The following VSNL1 variants were observed in gnomAD, a reference collection of about 807,000 sequenced individuals.
VSNL1 encodes visinin like 1, also known as visinin-like protein 1.
Under a neutral mutation model 20.4 loss-of-function variants are expected in VSNL1, and 6 were observed. The ratio of observed to expected loss-of-function variants is 0.29; its 90% confidence interval spans 0.16 to 0.58. VSNL1 has a LOEUF of 0.58. VSNL1 is among the 20% of genes least tolerant of loss of function. The pLI, the probability that VSNL1 is intolerant of heterozygous loss-of-function variation, is 0.90. For missense variants in VSNL1, 100 were observed against 234.5 expected (o/e 0.43, Z 3.75); for synonymous variants, 93 against 86.4 (o/e 1.08, Z -0.42).
At chr2:17,650,156 C>T (rs543626624) in intron 3 of VSNL1, among the ~76,000 whole-genome samples, 1 of 152,234 alleles carries the variant, frequency 6.6e-6, no homozygotes, top group East Asian at 1.9e-4. Flanking sequence ...CACTTCAGGG[C>T]CTTCCACTTC....
At chr2:17,629,314 A>G (rs1196957139) in intron 2 of VSNL1, among the ~76,000 whole-genome samples, 2 of 152,222 alleles carry the variant, frequency 1.3e-5, no homozygotes, top group African/African-American at 2.4e-5. Context: ...ACGTAGGGCA[A>G]CACTAGCCAC....
rs191656783 is a variant in VSNL1, at chr2:17,595,851, A to G, written c.162+3615A>G. Reference sequence around the variant, plus strand: ...ATTTATTGGTAATCCTATAAAGTGCATTCTTTAAAATTTGTATTTACTTTA... The same window carrying G: ...ATTTATTGGTAATCCTATAAAGTGCGTTCTTTAAAATTTGTATTTACTTTA... On this transcript the variant is annotated intron_variant, in intron 2 of 3. Coordinates refer to ENST00000295156, the MANE Select transcript of VSNL1 (RefSeq NM_003385.5). Among the ~76,000 whole-genome samples the G allele has an allele frequency of 5.1e-4, 77 of 152,336 alleles. 1 individual carries two copies. The highest frequency in any genetic ancestry group is 1.7e-3 in the African/African-American group (72 of 41,578).
chr2:17,562,938 A>G (rs970571955), intron 1 of VSNL1, among the ~76,000 whole-genome samples: 2 of 152,118 alleles, frequency 1.3e-5, no homozygotes, highest in Non-Finnish European at 2.9e-5. Flanking sequence ...CAACCCTACT[A>G]GTCTTATCAC....
chr2:17,589,001 A>C (rs1466606629), intron 1 of VSNL1, among the ~76,000 whole-genome samples: 1 of 152,212 alleles, frequency 6.6e-6, no homozygotes, highest in African/African-American at 2.4e-5. Flanking sequence ...AATCCAGTAG[A>C]GAAATACATA....
chr2:17,626,897 C>T (rs1665521417), intron 2 of VSNL1, among the ~76,000 whole-genome samples: 1 of 152,224 alleles, frequency 6.6e-6, no homozygotes, highest in African/African-American at 2.4e-5. Flanking sequence ...TCCAGCCTGG[C>T]CTGACCATGG....
At chr2:17,614,452 C>T (rs1268397720) in intron 2 of VSNL1, among the ~76,000 whole-genome samples, 1 of 152,246 alleles carries the variant, frequency 6.6e-6, no homozygotes, top group Non-Finnish European at 1.5e-5. Flanking sequence ...TTGGAGCCGA[C>T]TCCGCCTTTG....
intron 2 of VSNL1, among the ~76,000 whole-genome samples, chr2:17,611,525 A>G (rs1665086942): frequency 1.3e-5 from 2 of 152,238 alleles, no homozygotes; most frequent in South Asian, 2.1e-4. Context: ...GCACTCACAT[A>G]TGACTGCTGT....
intron 2 of VSNL1, among the ~76,000 whole-genome samples, chr2:17,610,330 C>T (rs544350909): frequency 1.3e-5 from 2 of 152,192 alleles, no homozygotes; most frequent in South Asian, 4.2e-4. Flanking sequence ...GGGAGTCCAC[C>T]AAGTGGACTG....
intron 2 of VSNL1, among the ~76,000 whole-genome samples, chr2:17,647,320 C>A (rs1408542576): frequency 2.6e-5 from 4 of 152,120 alleles, no homozygotes; most frequent in African/African-American, 9.7e-5. Context: ...GCCAACTGCA[C>A]ATAGAAATGC....
At chr2:17,620,220 C>T (rs1413193528) in intron 2 of VSNL1, among the ~76,000 whole-genome samples, 3 of 152,146 alleles carry the variant, frequency 2.0e-5, no homozygotes, top group South Asian at 2.1e-4. Context: ...TATGAACGGG[C>T]AAAACCCTGG....
At chr2:17,594,410 G>T (rs900848259) in intron 2 of VSNL1, among the ~76,000 whole-genome samples, 2 of 152,076 alleles carry the variant, frequency 1.3e-5, no homozygotes, top group Admixed American at 1.3e-4. Flanking sequence ...AATATGCCAC[G>T]TACACAGAAA....
intron 2 of VSNL1, among the ~76,000 whole-genome samples, chr2:17,599,133 G>A (rs1664773938): frequency 6.6e-6 from 1 of 152,106 alleles, no homozygotes; most frequent in African/African-American, 2.4e-5. Context: ...ACTATGGTCT[G>A]GTGCCATCCA....
intron 1 of VSNL1, among the ~76,000 whole-genome samples, chr2:17,571,637 A>G (rs933228473): frequency 1.9e-4 from 29 of 152,262 alleles, no homozygotes; most frequent in African/African-American, 7.0e-4. Flanking sequence ...CTAGGTACAA[A>G]GAGTGCTAAC....
At chr2:17,639,898 A>T (rs1158350085) in intron 2 of VSNL1, among the ~76,000 whole-genome samples, 1 of 152,144 alleles carries the variant, frequency 6.6e-6, no homozygotes, top group Non-Finnish European at 1.5e-5. Flanking sequence ...TCCCCATTAA[A>T]TCCCAAAGGT....
intron 2 of VSNL1, among the ~76,000 whole-genome samples, chr2:17,598,346 T>A (rs755036207): frequency 6.6e-6 from 1 of 152,242 alleles, no homozygotes; most frequent in African/African-American, 2.4e-5. Context: ...GCCTTTGTTT[T>A]TCTGGTTCTA....
At chr2:17,561,923 C>T (rs1349685223) in intron 1 of VSNL1, among the ~76,000 whole-genome samples, 1 of 152,098 alleles carries the variant, frequency 6.6e-6, no homozygotes. Context: ...AAAAATGACA[C>T]TCCCTTTACA....
chr2:17,613,413 T>C (rs1665138210), intron 2 of VSNL1, among the ~76,000 whole-genome samples: 1 of 152,216 alleles, frequency 6.6e-6, no homozygotes, highest in African/African-American at 2.4e-5. Flanking sequence ...GAGACCGTCA[T>C]GGCCAAATTC....
At chr2:17,648,423 A>G (rs1173947148) in intron 2 of VSNL1, among the ~76,000 whole-genome samples, 1 of 152,234 alleles carries the variant, frequency 6.6e-6, no homozygotes, top group Admixed American at 6.5e-5. Flanking sequence ...TCCACTTAGC[A>G]GGTGCAAAAC....
At chr2:17,585,107 C>T (rs1337371357) in intron 1 of VSNL1, among the ~76,000 whole-genome samples, 2 of 152,108 alleles carry the variant, frequency 1.3e-5, no homozygotes, top group African/African-American at 4.8e-5. Flanking sequence ...CAGTCTGTGC[C>T]CCCTCCTGTT....
Sources: gnomAD v4.1 joint callset for allele counts (sites outside exome capture counted in the v4.1 genomes callset) on GRCh38, gnomAD v4.1.1 for gene constraint, MANE v1.5 for transcripts, NCBI Gene and HGNC (gene_info 2026-07-23, HGNC 2026-07-21) for gene names.